Variants in SPARCL1 observed in about 807,000 individuals in gnomAD.
SPARCL1 encodes the protein SPARC-like protein 1.
A neutral mutation model predicts 67.1 loss-of-function variants in SPARCL1; 52 were observed. That is an observed-to-expected ratio of 0.78 (90% CI 0.62 to 0.98). SPARCL1 has a LOEUF of 0.98. SPARCL1 is among the 50% of genes least tolerant of loss of function. The pLI, the probability that SPARCL1 is intolerant of heterozygous loss-of-function variation, is 0.00. For synonymous variants in SPARCL1, 226 were observed against 267.8 expected (o/e 0.84, Z 1.52); for missense variants, 717 against 782.4 (o/e 0.92, Z 1.00).
chr4:87,508,632 G>A (rs1415576625), intron 1 of SPARCL1, among the ~76,000 whole-genome samples: 1 of 151,886 alleles, frequency 6.6e-6, no homozygotes, highest in East Asian at 1.9e-4. Flanking sequence ...CTGCCTTGGG[G>A]AGAAAAAGTA....
chr4:87,519,832 C>G (rs1725732173), intron 1 of SPARCL1, among the ~76,000 whole-genome samples: 1 of 152,142 alleles, frequency 6.6e-6, no homozygotes, highest in Non-Finnish European at 1.5e-5. Flanking sequence ...CCGTTTATCT[C>G]AACCAGGTTT....
At chr4:87,520,501 G>C (rs1198862311) in intron 1 of SPARCL1, among the ~76,000 whole-genome samples, 1 of 152,124 alleles carries the variant, frequency 6.6e-6, no homozygotes, top group Non-Finnish European at 1.5e-5. Context: ...GTGGGAGTAG[G>C]GGGTAGAAGA....
chr4:87,475,832 A>G (rs2110208419), intron 10 of SPARCL1, among the ~76,000 whole-genome samples: 1 of 152,356 alleles, frequency 6.6e-6, no homozygotes, highest in East Asian at 1.9e-4. Flanking sequence ...AAGATTTCTC[A>G]AAGAACTTAA....
chr4:87,505,889 TCTA>T (rs1725052684), intron 1 of SPARCL1, among the ~76,000 whole-genome samples: 1 of 152,176 alleles, frequency 6.6e-6, no homozygotes, highest in African/African-American at 2.4e-5. Context: ...TTATTACTAT[TCTA>T]CTGGTTTTGA....
At chr4:87,512,611 T>C (rs1308111065) in intron 1 of SPARCL1, among the ~76,000 whole-genome samples, 2 of 152,142 alleles carry the variant, frequency 1.3e-5, no homozygotes, top group Non-Finnish European at 2.9e-5. Flanking sequence ...TCCTGGATGA[T>C]TCAGCCCCAG....
intron 10 of SPARCL1, among the ~76,000 whole-genome samples, chr4:87,476,364 C>T (rs1184928933): frequency 6.6e-6 from 1 of 152,174 alleles, no homozygotes; most frequent in Non-Finnish European, 1.5e-5. Flanking sequence ...GTTTACTTCT[C>T]TCTTTTTTTC....
intron 1 of SPARCL1, among the ~76,000 whole-genome samples, chr4:87,521,548 C>T (rs1335824308): frequency 6.6e-6 from 1 of 152,166 alleles, no homozygotes; most frequent in African/African-American, 2.4e-5. Flanking sequence ...CCAGTCTGAA[C>T]CCTCCAGTGG....
intron 2 of SPARCL1, among the ~76,000 whole-genome samples, chr4:87,496,291 C>T (rs920279266): frequency 7.2e-5 from 11 of 152,108 alleles, no homozygotes; most frequent in Admixed American, 3.9e-4. Flanking sequence ...GATGAAGTCT[C>T]GGCTCACTGC....
intron 2 of SPARCL1, 111 bp from the exon 3 acceptor site, chr4:87,495,238 C>A: frequency 2.3e-6 from 2 of 860,114 alleles, no homozygotes; most frequent in Non-Finnish European, 3.6e-6. Context: ...TCATTTATAC[C>A]AACAATTTAA....
chr4:87,505,723 TG>T (rs1725045030), intron 1 of SPARCL1, among the ~76,000 whole-genome samples: 1 of 107,880 alleles, frequency 9.3e-6, no homozygotes, highest in Non-Finnish European at 1.8e-5. Flanking sequence ...CTCAGCTAAT[TG>T]TTTTTTTTTT....
intron 4 of SPARCL1, among the ~76,000 whole-genome samples, chr4:87,492,436 A>G (rs1186204845): frequency 6.6e-6 from 1 of 152,080 alleles, no homozygotes; most frequent in African/African-American, 2.4e-5. Flanking sequence ...AAAAAAAAGA[A>G]AAAAGAAAGG....
chr4:87,481,825 A>T (rs1697057671), intron 8 of SPARCL1, among the ~76,000 whole-genome samples: 1 of 152,160 alleles, frequency 6.6e-6, no homozygotes, highest in South Asian at 2.1e-4. Flanking sequence ...ACACACACAC[A>T]TATATACTTA....
chr4:87,497,124 T>C (rs372065038), intron 2 of SPARCL1: 1 of 654,776 alleles, frequency 1.5e-6, no homozygotes, highest in Non-Finnish European at 1.9e-6. Flanking sequence ...TCAAGTGATC[T>C]GCCCACCTTG....
rs372044393 is a variant in SPARCL1 at position 87,494,504 on chromosome 4, T to C, written c.296A>G (p.Asp99Gly). Residue 99 changes from aspartate (D) to glycine (G), a missense_variant, in exon 4 of 11, where the codon GAT becomes GGT. Physicochemically the swap from Asp to Gly is moderately conservative, Grantham distance 94. Coordinates refer to ENST00000282470, the MANE Select transcript of SPARCL1 (RefSeq NM_004684.6). ...TAAGTGACCATCACTGTCCTCTTGA[T>C]CCTTCAATCCCAGCTCTTGGCTAGA... ...KSSSQELGLK[D>G]QEDSDGHLSV... The C allele has an allele frequency of 5.6e-6, 9 of 1,614,056 alleles. No homozygotes were observed. In the African/African-American group the frequency reaches 1.2e-4, roughly 22 times the overall value.
intron 4 of SPARCL1, among the ~76,000 whole-genome samples, chr4:87,492,269 T>G (rs536341551): frequency 6.6e-6 from 1 of 152,014 alleles, no homozygotes; most frequent in East Asian, 1.9e-4. Context: ...AATACAAAAA[T>G]TAGCTGGGCA....
chr4:87,491,922 T>A (rs1224524789), intron 4 of SPARCL1, among the ~76,000 whole-genome samples: 8 of 121,356 alleles, frequency 6.6e-5, no homozygotes, highest in Non-Finnish European at 1.2e-4. Context: ...CTGGGCAACA[T>A]AGGGAAACTC....
intron 4 of SPARCL1, among the ~76,000 whole-genome samples, chr4:87,492,274 T>C (rs1269848833): frequency 6.6e-6 from 1 of 151,948 alleles, no homozygotes; most frequent in Non-Finnish European, 1.5e-5. Flanking sequence ...AAAAATTAGC[T>C]GGGCATGGTG....
intron 1 of SPARCL1, among the ~76,000 whole-genome samples, chr4:87,500,993 A>C (rs1169426696): frequency 2.0e-5 from 3 of 152,160 alleles, no homozygotes; most frequent in Non-Finnish European, 4.4e-5. Context: ...TTTTGATTTA[A>C]AAATTGCCTT....
intron 1 of SPARCL1, among the ~76,000 whole-genome samples, chr4:87,515,513 T>G (rs772839977): frequency 1.3e-5 from 2 of 152,216 alleles, no homozygotes; most frequent in Non-Finnish European, 2.9e-5. Context: ...TATTTCTTTC[T>G]TTTCTTCATC....
Sources: gnomAD v4.1 joint callset for allele counts (sites outside exome capture counted in the v4.1 genomes callset) on GRCh38, gnomAD v4.1.1 for gene constraint, MANE v1.5 for transcripts, NCBI Gene and HGNC (gene_info 2026-07-23, HGNC 2026-07-21) for gene names.